Variants in RIOK1 observed in about 807,000 individuals in gnomAD.
RIOK1 encodes the protein serine/threonine-protein kinase RIO1.
A neutral mutation model predicts 73.5 loss-of-function variants in RIOK1; 66 were observed. The ratio of observed to expected loss-of-function variants is 0.90; its 90% CI spans 0.74 to 1.10. RIOK1 has a LOEUF of 1.10. RIOK1 is among the 50% of genes least tolerant of loss of function. The pLI is 0.00. For missense variants in RIOK1, 658 were observed against 699.8 expected, an observed-to-expected ratio of 0.94 and a Z score of 0.67; for synonymous variants, 224 against 226.8, an observed-to-expected ratio of 0.99 and a Z score of 0.11.
chr6:7,390,079 C>T lies in RIOK1; in HGVS notation c.71+6C>T. 6.4e-7 allele frequency: 1 copy of T among 1,556,376 alleles called. No individual in the cohort carries two copies. Among genetic ancestry groups the T allele is most frequent in the Non-Finnish European group, 8.7e-7 (1 of 1,149,938 alleles). On this transcript the variant is annotated splice_donor_region_variant and intron_variant, in intron 1 of 16. Transcript: ENST00000379834. ...GACGCGGACTCCTCTGACAGGTAGG[C>T]GGCCGTACAGTGCCCTGGCTCTGGG...
chr6:7,395,713 G>GTT (rs139887944), intron 3 of RIOK1, among the ~76,000 whole-genome samples: 5 of 143,354 alleles, frequency 3.5e-5, no homozygotes, highest in Admixed American at 7.0e-5. Flanking sequence ...TCGGTTTTAG[G>GTT]TTTTTTTTTT....
At position 7,412,931 on chromosome 6, in the gene RIOK1, GGAGTTCAGAAGGTAT is replaced by G; in HGVS notation, c.1435_1443+6del. The stretch of plus-strand genomic sequence containing the variant: ...TACAGGATTGAAGAAAGATTTGTCA[GGAGTTCAGAAGGTAT>G]GAAGAACATGTGTTACTGTTTGTTT... On this transcript the variant is annotated splice_donor_variant and splice_donor_region_variant and coding_sequence_variant and intron_variant, in exon 15 of 17. Coordinates refer to ENST00000379834, the MANE Select transcript of RIOK1 (RefSeq NM_031480.3). LOFTEE classifies it high-confidence loss of function. 6.4e-7 allele frequency: 1 copy of G among 1,561,048 alleles called. No homozygotes were observed. The highest frequency in any genetic ancestry group is 8.6e-7 in the Non-Finnish European group (1 of 1,157,596).
intron 2 of RIOK1, among the ~76,000 whole-genome samples, chr6:7,393,694 A>G (rs1292821738): frequency 1.3e-5 from 2 of 152,224 alleles, no homozygotes; most frequent in Non-Finnish European, 2.9e-5. Flanking sequence ...TAAAGACAAA[A>G]CATATCATTG....
At chr6:7,402,210 C>T (rs1761629695) in intron 6 of RIOK1, among the ~76,000 whole-genome samples, 1 of 152,172 alleles carries the variant, frequency 6.6e-6, no homozygotes, top group African/African-American at 2.4e-5. Flanking sequence ...ACTGCACTCT[C>T]AGGCTATACG....
intron 1 of RIOK1, among the ~76,000 whole-genome samples, chr6:7,390,407 T>A (rs1343615303): frequency 6.6e-6 from 1 of 152,210 alleles, no homozygotes; most frequent in Non-Finnish European, 1.5e-5. Flanking sequence ...GCACTTAATA[T>A]GTACCACGTT....
intron 1 of RIOK1, among the ~76,000 whole-genome samples, chr6:7,391,339 C>A (rs1011815484): frequency 1.3e-5 from 2 of 152,018 alleles, no homozygotes; most frequent in East Asian, 3.9e-4. Flanking sequence ...TATTTGTATT[C>A]GAATTGGGTA....
At chr6:7,416,863 C>G (rs555303866) in intron 16 of RIOK1, among the ~76,000 whole-genome samples, 1 of 152,012 alleles carries the variant, frequency 6.6e-6, no homozygotes, top group Non-Finnish European at 1.5e-5. Context: ...CAAGTTCCTC[C>G]ACCAACCCAT....
chr6:7,396,871 A>G (rs1220654755), intron 4 of RIOK1, 99 bp downstream of exon 4: 2 of 686,784 alleles, frequency 2.9e-6, no homozygotes, highest in Non-Finnish European at 5.2e-6. Flanking sequence ...TCATTTGTAT[A>G]CTTAAACCAA....
intron 6 of RIOK1, among the ~76,000 whole-genome samples, chr6:7,402,056 C>A (rs1206127897): frequency 1.3e-5 from 2 of 152,070 alleles, no homozygotes; most frequent in Admixed American, 1.3e-4. Flanking sequence ...CCACTTCTCC[C>A]CTATATTTAA....
In RIOK1 at chr6:7,410,471, C is replaced by T; in HGVS notation, c.1269+20C>T. On this transcript the variant is annotated intron_variant, in intron 13 of 16. Coordinates refer to ENST00000379834, the MANE Select transcript of RIOK1 (RefSeq NM_031480.3). ...GAAGAGGTAGGATTTATTATCTATT[C>T]ACAGCCTTTGGAAACACTTGTGTTT... The T allele has an allele frequency of 1.3e-6, 2 of 1,558,922 alleles. No homozygotes were observed. The highest frequency in any genetic ancestry group is 2.3e-5 in the South Asian group (2 of 87,064).
intron 12 of RIOK1, among the ~76,000 whole-genome samples, chr6:7,409,876 A>G (rs1761845772): frequency 6.6e-6 from 1 of 152,040 alleles, no homozygotes; most frequent in Non-Finnish European, 1.5e-5. Context: ...CAGTTTTACA[A>G]ACCAAAAGAA....
intron 14 of RIOK1, among the ~76,000 whole-genome samples, chr6:7,412,292 C>T (rs771509133): frequency 2.7e-5 from 4 of 150,754 alleles, no homozygotes; most frequent in Admixed American, 6.6e-5. Flanking sequence ...ACCCGGGAGG[C>T]GGAGGCTGCG....
chr6:7,391,356 A>G (rs1173404274), intron 1 of RIOK1, among the ~76,000 whole-genome samples: 1 of 152,198 alleles, frequency 6.6e-6, no homozygotes, highest in Admixed American at 6.5e-5. Flanking sequence ...GGTAAGTAGT[A>G]CAAAGGAGAA....
At chr6:7,406,760 A>G (rs764613576) in intron 12 of RIOK1, among the ~76,000 whole-genome samples, 4 of 152,108 alleles carry the variant, frequency 2.6e-5, no homozygotes, top group Admixed American at 2.6e-4. Context: ...TTCGGGTTCA[A>G]GCAATTCTAC....
At chr6:7,390,725 A>G (rs1761310807) in intron 1 of RIOK1, among the ~76,000 whole-genome samples, 1 of 152,202 alleles carries the variant, frequency 6.6e-6, no homozygotes, top group Non-Finnish European at 1.5e-5. Flanking sequence ...TGGTAGGGTG[A>G]TAGAGAAGTA....
chr6:7,409,589 G>A (rs970188279), intron 12 of RIOK1, among the ~76,000 whole-genome samples: 6 of 151,322 alleles, frequency 4.0e-5, no homozygotes, highest in African/African-American at 1.5e-4. Flanking sequence ...GCCTCCCAAA[G>A]TGCTGGGATT....
chr6:7,414,241 C>G lies in RIOK1; in HGVS notation c.1447C>G (p.Pro483Ala). The change falls in exon 16 of 17, where the codon CCT (proline) becomes GCT (alanine). Residue 483 changes from proline to alanine, a missense_variant. By Grantham distance (27) the Pro-to-Ala change is conservative. Coordinates refer to ENST00000379834, the MANE Select transcript of RIOK1 (RefSeq NM_031480.3). ...KKDLSGVQKV[P>A]ALLENQVEER... ...ATGGTTCTTTAATAATTTCAAGGTCCCTGCACTCCTAGAAAATCAAGTGGA... is the reference window on the plus strand; with the variant it reads ...ATGGTTCTTTAATAATTTCAAGGTCGCTGCACTCCTAGAAAATCAAGTGGA... 1 of 1,609,834 alleles carries G rather than the reference C, an allele frequency of 6.2e-7. No homozygotes were observed. The highest frequency in any genetic ancestry group is 8.5e-7 in the Non-Finnish European group (1 of 1,178,584).
At chr6:7,392,958 G>T in intron 1 of RIOK1, 141 bp from the exon 2 acceptor site, 1 of 1,328,520 alleles carries the variant, frequency 7.5e-7, no homozygotes, top group Non-Finnish European at 9.6e-7. Flanking sequence ...AGGAGATGGA[G>T]CTTATCGGAA....
At chr6:7,410,287 A>G in intron 12 of RIOK1, 99 bp from the exon 13 acceptor site, 1 of 780,946 alleles carries the variant, frequency 1.3e-6, no homozygotes, top group Non-Finnish European at 2.2e-6. Context: ...AGGAGGTGAT[A>G]CTTAAAAAGA....
Sources: allele counts gnomAD v4.1 joint callset (sites outside exome capture counted in the v4.1 genomes callset), GRCh38; gene constraint gnomAD v4.1.1; transcripts MANE v1.5; gene names NCBI Gene and HGNC (gene_info 2026-07-23, HGNC 2026-07-21).